RAD51D: variants seen among roughly 807,000 people sequenced by gnomAD.
RAD51D encodes RAD51 paralog D.
RAD51D carries 38 observed loss-of-function variants against 44.1 expected under a neutral mutation model. That is an observed-to-expected ratio of 0.86 (90% CI 0.67 to 1.13). RAD51D has a LOEUF of 1.13. RAD51D is among the 50% of genes most tolerant of loss of function. The probability of loss-of-function intolerance (pLI) is 0.00; values close to 1 mark genes in which losing one functional copy is unlikely to be tolerated. For synonymous variants in RAD51D, 141 were observed against 166.6 expected (o/e 0.85, Z 1.18); for missense variants, 390 against 414.0 (o/e 0.94, Z 0.50).
rs1236532216 is a variant in RAD51D, at chr17:35,097,257, T to G, written c.*3696A>C. ...GCCTCAGCCTCCCAAGTAGCTGGGA[T>G]TACAGATGCGAGCCATCACACCCAG... On this transcript the variant is annotated 3_prime_UTR_variant, in exon 10 of 10. Transcript: ENST00000345365. 1 of 152,088 alleles carries G rather than the reference T, an allele frequency of 6.6e-6. No individual in the cohort carries two copies. The highest frequency in any genetic ancestry group is 1.5e-5 in the Non-Finnish European group (1 of 68,068). 9.4% of individuals were successfully genotyped at this position (152,088 alleles called of 1,614,324 possible). A position where few individuals can be genotyped will look rare whatever the true frequency, so the allele number is the denominator to read the frequency against.
chr17:35,109,152 C>T (rs1167899168), intron 3 of RAD51D, among the ~76,000 whole-genome samples: 1 of 152,156 alleles, frequency 6.6e-6, no homozygotes, highest in Non-Finnish European at 1.5e-5. Flanking sequence ...CAGACATGAG[C>T]CACCGTGCCT....
chr17:35,119,327 G>A (rs2091792998), intron 1 of RAD51D, 155 bp from the exon 2 acceptor site: 6 of 901,434 alleles, frequency 6.7e-6, no homozygotes, highest in African/African-American at 3.3e-5. Flanking sequence ...AGCCGGCGCG[G>A]TGCCCTGCAC....
At chr17:35,109,631 GT>G (rs887329823) in intron 3 of RAD51D, among the ~76,000 whole-genome samples, 25 of 148,604 alleles carry the variant, frequency 1.7e-4, no homozygotes, top group African/African-American at 6.1e-4. Flanking sequence ...AGCTCACTGT[GT>G]TTTTAATTTG....
In RAD51D at chr17:35,119,851, T is replaced by A. The variant is rs188262287; in HGVS notation, c.-238A>T. ...GCCCGCCCGCCGGGTCGCGCCGCGC[T>A]GCCGCTTCCGGGTTCCAGGCTGGCG... is the stretch of plus-strand genomic sequence containing the variant. On this transcript the variant is annotated 5_prime_UTR_variant, in exon 1 of 10. Coordinates refer to ENST00000345365, the MANE Select transcript of RAD51D (RefSeq NM_002878.4). The A allele has an allele frequency of 2.3e-3, 1,508 of 658,788 alleles. 21 individuals are homozygous for A. In the African/African-American group the frequency reaches 0.025, roughly 11 times the overall value. 40.8% of individuals were successfully genotyped at this position (658,788 alleles called of 1,614,324 possible).
At position 35,095,456 on chromosome 17, in the gene RAD51D, G is replaced by C. The variant is rs2091481162; in HGVS notation, c.*5497C>G. 6.6e-6 allele frequency: 1 copy of C among 152,328 alleles called. No individual in the cohort carries two copies. Among genetic ancestry groups the C allele is most frequent in the South Asian group, 2.1e-4 (1 of 4,820 alleles). The allele number at this position is 152,328 out of a possible 1,614,324, so 9.4% of individuals were successfully genotyped here. ...ATCATGCCACTGCACTCCAGCCTAGGTGACAGAGACTCCGTCTCAAACAAA... is the reference window on the plus strand; with the variant it reads ...ATCATGCCACTGCACTCCAGCCTAGCTGACAGAGACTCCGTCTCAAACAAA... On this transcript the variant is annotated 3_prime_UTR_variant, in exon 10 of 10. Coordinates refer to ENST00000345365, the MANE Select transcript of RAD51D (RefSeq NM_002878.4).
intron 8 of RAD51D, among the ~76,000 whole-genome samples, chr17:35,101,687 G>A (rs2091540653): frequency 6.6e-6 from 1 of 152,214 alleles, no homozygotes; most frequent in African/African-American, 2.4e-5. Flanking sequence ...GGGATTACAA[G>A]TGTGGGCCAC....
Position 35,100,723 on chromosome 17 carries a change from A to C in RAD51D, c.*230T>G. The C allele has an allele frequency of 1.5e-6, 1 of 660,164 alleles. No homozygotes were observed. Among genetic ancestry groups the C allele is most frequent in the African/African-American group, 1.8e-5 (1 of 56,238 alleles). The allele number at this position is 660,164 out of a possible 1,614,324, so 40.9% of individuals were successfully genotyped here. A position where few individuals can be genotyped will look rare whatever the true frequency, so the allele number is the denominator to read the frequency against. On this transcript the variant is annotated 3_prime_UTR_variant, in exon 10 of 10. Coordinates refer to ENST00000345365, the MANE Select transcript of RAD51D (RefSeq NM_002878.4). ...CATACACGTTAGAAATAAGGGAAGGAAACGTGGCACCAGTATGAATTTCTG... is the reference window on the plus strand; with the variant it reads ...CATACACGTTAGAAATAAGGGAAGGCAACGTGGCACCAGTATGAATTTCTG...
chr17:35,111,812 G>GA (rs907947180), intron 3 of RAD51D, among the ~76,000 whole-genome samples: 28 of 148,362 alleles, frequency 1.9e-4, no homozygotes, highest in African/African-American at 4.4e-4. Context: ...TATGTCTATA[G>GA]AAAAAAAAAA....
chr17:35,115,801 C>G (rs1395296357), intron 3 of RAD51D, among the ~76,000 whole-genome samples: 1 of 150,926 alleles, frequency 6.6e-6, no homozygotes, highest in Non-Finnish European at 1.5e-5. Flanking sequence ...ACCCTGGAGG[C>G]GGAGGTTGCA....
At chr17:35,118,898 A>G (rs185961963) in intron 2 of RAD51D, among the ~76,000 whole-genome samples, 334 of 152,250 alleles carry the variant, frequency 2.2e-3, no homozygotes, top group Admixed American at 4.1e-3. Context: ...GTGGGCCACC[A>G]CACCCAGCTA....
rs186563116 is a variant in RAD51D at position 35,116,930 on chromosome 17, A to G, written c.263+1571T>C. On this transcript the variant is annotated intron_variant, in intron 3 of 9. Coordinates refer to ENST00000345365, the MANE Select transcript of RAD51D (RefSeq NM_002878.4). Reference sequence around the variant, plus strand: ...AAAGTCCATCTGTTCCTCCATGCCCAAGTCCTGCCTTCTTCAGAGCATTCC... The same window carrying G: ...AAAGTCCATCTGTTCCTCCATGCCCGAGTCCTGCCTTCTTCAGAGCATTCC... 2.4e-4 allele frequency: 385 copies of G among 1,612,420 alleles called. No individual in the cohort carries two copies. In the African/African-American group the frequency reaches 4.6e-3, roughly 19 times the overall value.
chr17:35,119,495 G>A (rs2142479682), intron 1 of RAD51D, 37 bp downstream of exon 1: 1 of 1,604,838 alleles, frequency 6.2e-7, no homozygotes. Context: ...GTTGTGCGAG[G>A]CCCGCGCGGC....
At chr17:35,114,631 A>G (rs114977083) in intron 3 of RAD51D, among the ~76,000 whole-genome samples, 1,570 of 152,226 alleles carry the variant, frequency 0.01, 28 homozygotes, top group African/African-American at 0.035. Flanking sequence ...TCAAGGCTGC[A>G]GTGAACTATG....
At chr17:35,117,165 TAGAG>T in intron 3 of RAD51D, 1 of 1,033,056 alleles carries the variant, frequency 9.7e-7, no homozygotes, top group Non-Finnish European at 1.4e-6. Flanking sequence ...TACACCCAAC[TAGAG>T]GCCTTAAGGG....
At position 35,094,513 on chromosome 17, in the gene RAD51D, G is replaced by A. The variant is rs1031646197; in HGVS notation, c.*6440C>T. 4 of 152,130 alleles carry A rather than the reference G, an allele frequency of 2.6e-5. No individual in the cohort carries two copies. The highest frequency in any genetic ancestry group is 5.9e-5 in the Non-Finnish European group (4 of 68,030). The allele number at this position is 152,130 out of a possible 1,614,324, so 9.4% of individuals were successfully genotyped here. A position where few individuals can be genotyped will look rare whatever the true frequency, so the allele number is the denominator to read the frequency against. On this transcript the variant is annotated 3_prime_UTR_variant, in exon 10 of 10. Transcript: ENST00000345365. Reference sequence around the variant, plus strand: ...TGTCATTCTTTTGTAACTTCCCTGGGGGAAATCAGAAAGAGCTGAGAAGTA... The same window carrying A: ...TGTCATTCTTTTGTAACTTCCCTGGAGGAAATCAGAAAGAGCTGAGAAGTA...
chr17:35,118,421 G>T, intron 3 of RAD51D, 80 bp downstream of exon 3: 1 of 1,226,498 alleles, frequency 8.2e-7, no homozygotes, highest in Non-Finnish European at 1.2e-6. Flanking sequence ...CTCCCGTCTA[G>T]ACTCAAGCAT....
chr17:35,101,438 G>T (rs112989008), intron 8 of RAD51D, 73 bp from the exon 9 acceptor site: 28 of 1,521,122 alleles, frequency 1.8e-5, no homozygotes, highest in Non-Finnish European at 2.4e-5. Flanking sequence ...TTCATTTTAC[G>T]GAGAGGAAAA....
In RAD51D at chr17:35,103,368, A is replaced by T. The variant is rs2142419288; in HGVS notation, c.668-44T>A. 6.2e-7 allele frequency: 1 copy of T among 1,611,146 alleles called. No individual in the cohort carries two copies. The highest frequency in any genetic ancestry group is 8.5e-7 in the Non-Finnish European group (1 of 1,177,448). On this transcript the variant is annotated intron_variant, in intron 7 of 9. Coordinates refer to ENST00000345365, the MANE Select transcript of RAD51D (RefSeq NM_002878.4). This position sits in a 1 kb window ranked among gnomAD's most constrained non-coding sequence, Gnocchi z 4.1. ...CAGAGAGGGAGGGCAGTGGGGAACC[A>T]GGGATGGGGCTGGCCAGAGACCAGA...
intron 3 of RAD51D, among the ~76,000 whole-genome samples, chr17:35,108,089 G>A (rs115170515): frequency 0.024 from 3,660 of 151,120 alleles, 132 homozygotes; most frequent in African/African-American, 0.085. Context: ...AAAATTTGTC[G>A]CTTTTTTTAA....
Sources: gnomAD v4.1 joint callset for allele counts (sites outside exome capture counted in the v4.1 genomes callset) on GRCh38, gnomAD v4.1.1 for gene constraint, Gnocchi (gnomAD v3.1) non-coding constraint, MANE v1.5 for transcripts, NCBI Gene and HGNC (gene_info 2026-07-23, HGNC 2026-07-21) for gene names.